GRIN2B: variants seen among roughly 807,000 people sequenced by gnomAD.
GRIN2B encodes glutamate ionotropic receptor NMDA type subunit 2B.
In GRIN2B, 5 loss-of-function variants were observed where a neutral mutation model predicts 114.5. The observed-to-expected ratio is 0.04, with a 90% CI of 0.02 to 0.09. The LOEUF is 0.09. GRIN2B is among the 10% of genes least tolerant of loss of function. The pLI, the probability that GRIN2B is intolerant of heterozygous loss-of-function variation, is 1.00. For missense variants in GRIN2B, 1,108 were observed against 1,943.5 expected (o/e 0.57, Z 8.08); for synonymous variants, 787 against 745.1 (o/e 1.06, Z -0.92).
At chr12:13,823,739 G>A (rs1864980140) in intron 3 of GRIN2B, among the ~76,000 whole-genome samples, 1 of 152,004 alleles carries the variant, frequency 6.6e-6, no homozygotes, top group Non-Finnish European at 1.5e-5. Context: ...CCCAACCTTG[G>A]GGAAAATATA....
chr12:13,764,592 G>A (rs1038393918), intron 3 of GRIN2B, among the ~76,000 whole-genome samples: 11 of 152,290 alleles, frequency 7.2e-5, no homozygotes, highest in South Asian at 6.2e-4. Flanking sequence ...AGGTGCCAAC[G>A]TTGATGGAAA....
intron 4 of GRIN2B, among the ~76,000 whole-genome samples, chr12:13,722,923 A>G (rs189691312): frequency 6.6e-6 from 1 of 152,154 alleles, no homozygotes; most frequent in East Asian, 1.9e-4. Flanking sequence ...CCAGGGATGG[A>G]TTTGGTGATC....
In GRIN2B at chr12:13,785,793, T is replaced by C. The variant is rs538086769; in HGVS notation, c.412-31878A>G. Among the ~76,000 whole-genome samples the C allele has an allele frequency of 3.8e-4, 58 of 152,360 alleles. No individual in the cohort carries two copies. In the Middle Eastern group the frequency reaches 0.014, roughly 36 times the overall value. ...CAGATAACAAAATAGTTATGATTAC[T>C]ATTTTCCATATGTAATATATGGGCA... On this transcript the variant is annotated intron_variant, in intron 3 of 13. Transcript: ENST00000609686.
At chr12:13,751,990 A>T (rs1347579054) in intron 4 of GRIN2B, among the ~76,000 whole-genome samples, 2 of 152,182 alleles carry the variant, frequency 1.3e-5, no homozygotes, top group East Asian at 3.9e-4. Flanking sequence ...CCTAGGGATG[A>T]TGGAAAGAGG....
intron 4 of GRIN2B, among the ~76,000 whole-genome samples, chr12:13,732,138 A>G (rs1863096167): frequency 6.6e-6 from 1 of 151,968 alleles, no homozygotes; most frequent in African/African-American, 2.4e-5. Flanking sequence ...ACCCTTTACT[A>G]TTGCATGTTC....
At chr12:13,942,226 G>C (rs983450411) in intron 2 of GRIN2B, among the ~76,000 whole-genome samples, 4 of 152,162 alleles carry the variant, frequency 2.6e-5, no homozygotes, top group Non-Finnish European at 5.9e-5. Context: ...TATGACAGGG[G>C]TGGGGAGGAC....
At chr12:13,828,103 T>C (rs1298415248) in intron 3 of GRIN2B, among the ~76,000 whole-genome samples, 1 of 152,264 alleles carries the variant, frequency 6.6e-6, no homozygotes, top group Non-Finnish European at 1.5e-5. Flanking sequence ...TGTATGTGCA[T>C]GTGCACATAT....
intron 4 of GRIN2B, among the ~76,000 whole-genome samples, chr12:13,703,803 C>T (rs1378397641): frequency 6.6e-6 from 1 of 152,160 alleles, no homozygotes; most frequent in African/African-American, 2.4e-5. Flanking sequence ...TAACTTCAAT[C>T]CATTTATTCC....
chr12:13,727,489 C>G (rs1184831815), intron 4 of GRIN2B, among the ~76,000 whole-genome samples: 2 of 152,180 alleles, frequency 1.3e-5, no homozygotes, highest in Non-Finnish European at 2.9e-5. Context: ...TTGGGTGATC[C>G]AAATGCTAGC....
intron 3 of GRIN2B, among the ~76,000 whole-genome samples, chr12:13,791,558 G>A (rs974910614): frequency 5.9e-5 from 9 of 151,918 alleles, no homozygotes; most frequent in Non-Finnish European, 8.8e-5. Flanking sequence ...GTTGCACTCT[G>A]TTTCTTATTG....
intron 10 of GRIN2B, among the ~76,000 whole-genome samples, chr12:13,605,636 T>C (rs1949236855): frequency 6.7e-6 from 1 of 149,214 alleles, no homozygotes. Flanking sequence ...TAGAACATAA[T>C]GAACACGGTA....
chr12:13,768,869 C>A (rs1384257593), intron 3 of GRIN2B, among the ~76,000 whole-genome samples: 1 of 152,052 alleles, frequency 6.6e-6, no homozygotes, highest in South Asian at 2.1e-4. Flanking sequence ...ACCGTCTCTA[C>A]TAAAAATACA....
At position 13,615,020 on chromosome 12, in the gene GRIN2B, T is replaced by C; in HGVS notation, c.1654+94A>G. On this transcript the variant is annotated intron_variant, in intron 8 of 13. Transcript: ENST00000609686. The surrounding 1 kb of genome is among the most constrained non-coding windows in gnomAD (Gnocchi z 5.8). Reference sequence around the variant, plus strand: ...GTTGAGCTCCTAGCAAACCACCTTCTAGCTGGAACAGCCTGGCCATGTGCT... The same window carrying C: ...GTTGAGCTCCTAGCAAACCACCTTCCAGCTGGAACAGCCTGGCCATGTGCT... 8.5e-7 allele frequency: 1 copy of C among 1,171,166 alleles called. No individual in the cohort carries two copies. Among genetic ancestry groups the C allele is most frequent in the Non-Finnish European group, 1.3e-6 (1 of 777,312 alleles). The allele number at this position is 1,171,166 out of a possible 1,614,324, so 72.5% of individuals were successfully genotyped here. A position where few individuals can be genotyped will look rare whatever the true frequency, so the allele number is the denominator to read the frequency against.
At chr12:13,720,125 G>A (rs1950493824) in intron 4 of GRIN2B, among the ~76,000 whole-genome samples, 1 of 151,964 alleles carries the variant, frequency 6.6e-6, no homozygotes, top group Admixed American at 6.6e-5. Context: ...AGGGAATGTC[G>A]AGTCAGCCTG....
chr12:13,723,276 C>T (rs1402045954), intron 4 of GRIN2B, among the ~76,000 whole-genome samples: 1 of 151,980 alleles, frequency 6.6e-6, no homozygotes, highest in Non-Finnish European at 1.5e-5. Flanking sequence ...TCTCCTAATG[C>T]TATCCCTCCC....
intron 10 of GRIN2B, among the ~76,000 whole-genome samples, chr12:13,584,664 T>G (rs911905973): frequency 2.6e-5 from 4 of 152,238 alleles, no homozygotes; most frequent in African/African-American, 9.6e-5. Context: ...TCACAAAATA[T>G]ATCAGATCTG....
chr12:13,907,645 G>C (rs1866563537), intron 2 of GRIN2B, among the ~76,000 whole-genome samples: 1 of 152,094 alleles, frequency 6.6e-6, no homozygotes, highest in South Asian at 2.1e-4. Context: ...ACTGGAAATG[G>C]GCATGAAGAA....
chr12:13,793,922 C>T (rs1864361788), intron 3 of GRIN2B, among the ~76,000 whole-genome samples: 2 of 150,794 alleles, frequency 1.3e-5, no homozygotes, highest in Non-Finnish European at 2.9e-5. Flanking sequence ...ATAAAAAGGG[C>T]CTAGTGCAGT....
At chr12:13,703,669 C>T (rs1384661125) in intron 4 of GRIN2B, among the ~76,000 whole-genome samples, 1 of 152,046 alleles carries the variant, frequency 6.6e-6, no homozygotes, top group Non-Finnish European at 1.5e-5. Flanking sequence ...TAATCAACCC[C>T]CTCTTCATGA....
Sources: allele counts gnomAD v4.1 joint callset (sites outside exome capture counted in the v4.1 genomes callset), GRCh38; gene constraint gnomAD v4.1.1; non-coding constraint Gnocchi (gnomAD v3.1); transcripts MANE v1.5; gene names NCBI Gene and HGNC (gene_info 2026-07-23, HGNC 2026-07-21).